The following RBM39 variants were observed in gnomAD, a reference collection of about 807,000 sequenced individuals.
RBM39 encodes the protein RNA binding motif protein 39, also known as RNA-binding protein 39.
Under a neutral mutation model 79.6 loss-of-function variants are expected in RBM39, and 12 were observed. The ratio of observed to expected loss-of-function variants is 0.15; its 90% confidence interval spans 0.10 to 0.24. The LOEUF is 0.24. Among genes scored for constraint, RBM39 ranks in the 10% least tolerant of loss-of-function variants. The probability of loss-of-function intolerance (pLI) is 1.00; values close to 1 mark genes in which losing one functional copy is unlikely to be tolerated. For synonymous variants in RBM39, 185 were observed against 208.4 expected, an observed-to-expected ratio of 0.89 and a Z score of 0.97; for missense variants, 243 against 653.4, an observed-to-expected ratio of 0.37 and a Z score of 6.85.
At chr20:35,734,140 A>G in intron 3 of RBM39, 1 of 1,146,474 alleles carries the variant, frequency 8.7e-7, no homozygotes, top group Non-Finnish European at 1.2e-6. Flanking sequence ...ACCTGTAAGC[A>G]GGTCATCTTT....
intron 6 of RBM39, 106 bp from the exon 7 acceptor site, chr20:35,725,261 G>C: frequency 1.3e-6 from 1 of 760,260 alleles, no homozygotes; most frequent in South Asian, 2.0e-5. Context: ...GTACAGGTGG[G>C]TTTTGGTTAC....
At chr20:35,740,661 T>C (rs2040404906) in intron 2 of RBM39, 163 bp downstream of exon 2, 2 of 1,305,640 alleles carry the variant, frequency 1.5e-6, no homozygotes, top group Admixed American at 2.0e-5. Flanking sequence ...CACAATATTA[T>C]TACATCAATA....
rs552044341 is a variant in RBM39, at chr20:35,711,014, A to G, written c.1175-1740T>C. On this transcript the variant is annotated intron_variant, in intron 12 of 16. Coordinates refer to ENST00000253363, the MANE Select transcript of RBM39 (RefSeq NM_184234.3). ...GAGAAAGAACCCAAGAGGTACATTCATCCATAATAAAAGAAATAAAGGCTA... is the reference window on the plus strand; with the variant it reads ...GAGAAAGAACCCAAGAGGTACATTCGTCCATAATAAAAGAAATAAAGGCTA... 2.0e-5 allele frequency among the ~76,000 whole-genome samples: 3 copies of G among 152,336 alleles called. No individual in the cohort carries two copies. The South Asian group carries it at 6.2e-4, about 32-fold the overall frequency.
In RBM39 at chr20:35,704,444, G is replaced by A. The variant is rs15039; in HGVS notation, c.*37C>T. The A allele has an allele frequency of 2.1e-6, 3 of 1,408,740 alleles. No individual in the cohort carries two copies. Among genetic ancestry groups the A allele is most frequent in the Non-Finnish European group, 2.9e-6 (3 of 1,022,412 alleles). 87.3% of individuals were successfully genotyped at this position (1,408,740 alleles called of 1,614,324 possible). A position where few individuals can be genotyped will look rare whatever the true frequency, so the allele number is the denominator to read the frequency against. ...TAACTCAAGATGAATTCTCAAGAAA[G>A]AAAAAAAGCTATATACATAAGGGAC... On this transcript the variant is annotated 3_prime_UTR_variant, in exon 17 of 17. Transcript: ENST00000253363.
intron 6 of RBM39, among the ~76,000 whole-genome samples, chr20:35,727,430 A>C: frequency 6.6e-6 from 1 of 150,644 alleles, no homozygotes. Flanking sequence ...CCACAATGCT[A>C]CCACCTGACA....
At chr20:35,729,230 A>AT in intron 6 of RBM39, 82 bp downstream of exon 6, 1 of 1,257,352 alleles carries the variant, frequency 8.0e-7, no homozygotes, top group Non-Finnish European at 1.1e-6. Flanking sequence ...TATGGTCCAA[A>AT]TTACTAAATA....
chr20:35,726,091 C>T (rs2038654156), intron 6 of RBM39, among the ~76,000 whole-genome samples: 2 of 152,308 alleles, frequency 1.3e-5, no homozygotes, highest in South Asian at 4.1e-4. Flanking sequence ...GGCATTAGCA[C>T]AGAAGTCTAC....
chr20:35,715,472 A>G (rs1296509287), intron 10 of RBM39, among the ~76,000 whole-genome samples: 1 of 152,206 alleles, frequency 6.6e-6, no homozygotes, highest in Non-Finnish European at 1.5e-5. Context: ...CACCACACAC[A>G]GCCCAAAAAC....
At position 35,724,561 on chromosome 20, in the gene RBM39, A is replaced by G. The variant is rs114263519; in HGVS notation, c.687+9T>C. The G allele has an allele frequency of 1.9e-3, 2,995 of 1,613,236 alleles. 45 individuals carry two copies. In the African/African-American group the frequency reaches 0.035, roughly 19 times the overall value. Reference sequence around the variant, plus strand: ...CAATAATCAAACTCTTAACCAACAAAAAAATTACCTGTGATGCCTGTACTA... The same window carrying G: ...CAATAATCAAACTCTTAACCAACAAGAAAATTACCTGTGATGCCTGTACTA... On this transcript the variant is annotated intron_variant, in intron 8 of 16. Coordinates refer to ENST00000253363, the MANE Select transcript of RBM39 (RefSeq NM_184234.3).
chr20:35,714,009 AT>A (rs1469686377), intron 11 of RBM39, among the ~76,000 whole-genome samples, 175 bp downstream of exon 11: 1 of 152,216 alleles, frequency 6.6e-6, no homozygotes, highest in Non-Finnish European at 1.5e-5. Flanking sequence ...CATAATATAG[AT>A]TTCCATACAT....
chr20:35,731,668 T>G, intron 4 of RBM39: 1 of 461,348 alleles, frequency 2.2e-6, no homozygotes, highest in Non-Finnish European at 3.9e-6. Context: ...CTCTAGTGCT[T>G]TCATCCAGTT....
intron 6 of RBM39, among the ~76,000 whole-genome samples, chr20:35,726,972 G>T (rs555654422): frequency 6.6e-6 from 1 of 151,386 alleles, no homozygotes. Flanking sequence ...TTACACGCAC[G>T]CGCCACTACA....
Position 35,704,591 on chromosome 20 carries a change from GAAAC to G in RBM39, c.1493-14_1493-11del, listed in dbSNP as rs1207544231. 2 of 1,611,052 alleles carry G rather than the reference GAAAC, an allele frequency of 1.2e-6. No homozygotes were observed. The highest frequency in any genetic ancestry group is 1.7e-6 in the Non-Finnish European group (2 of 1,177,472). ...GCTGTTATCATTTTACCTATTAAAAGAAACAGACATGTTGGGTTTAGCATCTTCA... is the reference window on the plus strand; with the variant it reads ...GCTGTTATCATTTTACCTATTAAAAGAGACATGTTGGGTTTAGCATCTTCA... On this transcript the variant is annotated splice_polypyrimidine_tract_variant and intron_variant, in intron 16 of 16. Coordinates refer to ENST00000253363, the MANE Select transcript of RBM39 (RefSeq NM_184234.3).
chr20:35,739,306 T>G (rs146700033), intron 2 of RBM39: 19 of 465,660 alleles, frequency 4.1e-5, no homozygotes, highest in African/African-American at 3.8e-4. Flanking sequence ...AGATTTACAA[T>G]GTTGAAGTGG....
At chr20:35,718,911 C>T (rs972422035) in intron 9 of RBM39, among the ~76,000 whole-genome samples, 1 of 150,904 alleles carries the variant, frequency 6.6e-6, no homozygotes, top group Non-Finnish European at 1.5e-5. Flanking sequence ...ACCTGGGAGG[C>T]AGAGGTTGCA....
intron 8 of RBM39, 135 bp from the exon 9 acceptor site, chr20:35,722,012 T>G (rs1395459008): frequency 1.0e-6 from 1 of 980,100 alleles, no homozygotes; most frequent in African/African-American, 1.6e-5. Flanking sequence ...ATACTACATA[T>G]CAACTTAATA....
At chr20:35,711,477 A>G (rs559596135) in intron 12 of RBM39, among the ~76,000 whole-genome samples, 1 of 152,326 alleles carries the variant, frequency 6.6e-6, no homozygotes, top group Non-Finnish European at 1.5e-5. Context: ...GAGGGATCAA[A>G]TGACTGTTAA....
chr20:35,727,954 A>C (rs1433766115), intron 6 of RBM39, among the ~76,000 whole-genome samples: 1 of 151,614 alleles, frequency 6.6e-6, no homozygotes, highest in Non-Finnish European at 1.5e-5. Flanking sequence ...GCCTGGCCTA[A>C]TTTTTGTAGT....
intron 7 of RBM39, 150 bp from the exon 8 acceptor site, chr20:35,724,872 T>C (rs1041214501): frequency 3.5e-6 from 4 of 1,143,838 alleles, no homozygotes; most frequent in Middle Eastern, 2.8e-4. Flanking sequence ...ATCTTTATCT[T>C]TGAACAAATT....
Sources: allele counts gnomAD v4.1 joint callset (sites outside exome capture counted in the v4.1 genomes callset), GRCh38; gene constraint gnomAD v4.1.1; transcripts MANE v1.5; gene names NCBI Gene and HGNC (gene_info 2026-07-23, HGNC 2026-07-21).